KHDRBS2: variants seen among roughly 807,000 people sequenced by gnomAD.
KHDRBS2 encodes KH RNA binding domain containing, signal transduction associated 2, also known as KH domain-containing, RNA-binding, signal transduction-associated protein 2.
A neutral mutation model predicts 44.3 loss-of-function variants in KHDRBS2; 26 were observed. That is an observed-to-expected ratio of 0.59 (90% CI 0.43 to 0.81). KHDRBS2 has a LOEUF of 0.81. KHDRBS2 is among the 40% of genes least tolerant of loss of function. The pLI, the probability that KHDRBS2 is intolerant of heterozygous loss-of-function variation, is 0.00. For missense variants in KHDRBS2, 476 were observed against 433.1 expected (o/e 1.10, Z -0.88); for synonymous variants, 194 against 151.1 (o/e 1.28, Z -2.08).
intron 6 of KHDRBS2, among the ~76,000 whole-genome samples, chr6:61,887,162 C>T (rs1402538387): frequency 6.6e-6 from 1 of 151,736 alleles, no homozygotes; most frequent in African/African-American, 2.4e-5. Context: ...GCTTCAGTTT[C>T]TTTACCTACT....
At chr6:61,890,744 G>T (rs1801695136) in intron 6 of KHDRBS2, among the ~76,000 whole-genome samples, 1 of 152,124 alleles carries the variant, frequency 6.6e-6, no homozygotes, top group South Asian at 2.1e-4. Context: ...CACATACTAT[G>T]TCTCTGGCAA....
chr6:61,550,177 G>A, the KHDRBS2 span, among the ~76,000 whole-genome samples: 2 of 152,050 alleles, frequency 1.3e-5, no homozygotes, highest in African/African-American at 4.8e-5. Context: ...TCGATAGGTA[G>A]TTTTTCAATC....
In KHDRBS2 at chr6:61,723,114, A is replaced by T. The variant is rs573430656; in HGVS notation, c.893+9568T>A. ...GCAACTAGGGTCTGAAGCAGACCCA[A>T]GCAAACCACAGCAGGACTATAGACA... On this transcript the variant is annotated intron_variant, in intron 7 of 8. Coordinates refer to ENST00000281156, the MANE Select transcript of KHDRBS2 (RefSeq NM_152688.4). Among the ~76,000 whole-genome samples the T allele has an allele frequency of 1.2e-4, 18 of 152,206 alleles. No individual in the cohort carries two copies. The South Asian group carries it at 3.7e-3, about 32-fold the overall frequency.
At chr6:61,768,587 T>A (rs191749208) in intron 6 of KHDRBS2, among the ~76,000 whole-genome samples, 22 of 152,134 alleles carry the variant, frequency 1.4e-4, no homozygotes, top group Admixed American at 1.2e-3. Context: ...TATTTTAAAA[T>A]AGTCTGTCTT....
chr6:62,073,987 G>A (rs208968), intron 2 of KHDRBS2, among the ~76,000 whole-genome samples: 151,621 of 151,884 alleles, frequency 1, 75,679 homozygotes, highest in Middle Eastern at 1. Flanking sequence ...CTTTTTCTAC[G>A]GAAACATATC....
At chr6:61,708,807 A>G (rs1194287688) in intron 7 of KHDRBS2, among the ~76,000 whole-genome samples, 15 of 151,756 alleles carry the variant, frequency 9.9e-5, no homozygotes, top group South Asian at 2.1e-4. Context: ...TCTCCCACTC[A>G]CAGCCAACTT....
At chr6:62,158,189 T>A (rs780296635) in intron 2 of KHDRBS2, among the ~76,000 whole-genome samples, 2 of 152,210 alleles carry the variant, frequency 1.3e-5, no homozygotes, top group Non-Finnish European at 2.9e-5. Context: ...TCCAACTATC[T>A]GTTTTATTAC....
intron 8 of KHDRBS2, among the ~76,000 whole-genome samples, chr6:61,682,725 T>A (rs184487240): frequency 1.3e-5 from 2 of 151,990 alleles, no homozygotes. Flanking sequence ...AAAATGCAGA[T>A]GTTGGTCTTT....
rs144358237 is a variant in KHDRBS2, at chr6:62,253,980, G to A, written c.91+31878C>T. ...ATTAGCAGCATGGGGAATAACACAA[G>A]CAAGAATCCTAACTTTTAACAAAGA... On this transcript the variant is annotated intron_variant, in intron 1 of 8. Coordinates refer to ENST00000281156, the MANE Select transcript of KHDRBS2 (RefSeq NM_152688.4). Among the ~76,000 whole-genome samples the A allele has an allele frequency of 1.4e-4, 22 of 152,092 alleles. 1 individual carries two copies. In the East Asian group the frequency reaches 2.7e-3, roughly 19 times the overall value.
chr6:62,255,454 A>T (rs1837215397), intron 1 of KHDRBS2, among the ~76,000 whole-genome samples: 1 of 152,072 alleles, frequency 6.6e-6, no homozygotes, highest in Non-Finnish European at 1.5e-5. Flanking sequence ...TTATGGATGT[A>T]ACACTAAGAA....
At chr6:61,940,719 G>T (rs1017105762) in intron 4 of KHDRBS2, among the ~76,000 whole-genome samples, 1 of 152,170 alleles carries the variant, frequency 6.6e-6, no homozygotes, top group African/African-American at 2.4e-5. Context: ...TGCAATATAA[G>T]AGTGGCTTCT....
At chr6:62,084,741 T>C (rs1798089901) in intron 2 of KHDRBS2, among the ~76,000 whole-genome samples, 1 of 152,202 alleles carries the variant, frequency 6.6e-6, no homozygotes, top group Non-Finnish European at 1.5e-5. Context: ...AAGTATTATG[T>C]GGATTTATAA....
intron 7 of KHDRBS2, among the ~76,000 whole-genome samples, chr6:61,716,776 A>G (rs1481952462): frequency 3.3e-5 from 5 of 151,976 alleles, no homozygotes; most frequent in African/African-American, 1.2e-4. Flanking sequence ...GCTTCTCTTC[A>G]CCTACCAGTG....
chr6:62,044,245 A>T (rs1787179620), intron 3 of KHDRBS2, among the ~76,000 whole-genome samples: 1 of 151,958 alleles, frequency 6.6e-6, no homozygotes, highest in Non-Finnish European at 1.5e-5. Context: ...CAGGAGGATC[A>T]CTTGAGGATC....
At chr6:61,938,149 G>A (rs552173004) in intron 4 of KHDRBS2, among the ~76,000 whole-genome samples, 125 of 152,124 alleles carry the variant, frequency 8.2e-4, no homozygotes, top group African/African-American at 2.6e-3. Flanking sequence ...TCTCAATATC[G>A]CTCTTCAAGG....
chr6:62,199,316 C>T (rs1340964440), intron 1 of KHDRBS2, among the ~76,000 whole-genome samples: 1 of 152,164 alleles, frequency 6.6e-6, no homozygotes, highest in Non-Finnish European at 1.5e-5. Context: ...TTGCAGATGA[C>T]ATGATTGTAT....
intron 4 of KHDRBS2, among the ~76,000 whole-genome samples, chr6:61,949,642 T>G (rs2127382576): frequency 6.6e-6 from 1 of 152,246 alleles, no homozygotes; most frequent in South Asian, 2.1e-4. Flanking sequence ...AAATTTTATC[T>G]AAATCCATTA....
the KHDRBS2 span, among the ~76,000 whole-genome samples, chr6:61,560,464 C>G: frequency 1.3e-5 from 2 of 152,178 alleles, no homozygotes; most frequent in Non-Finnish European, 2.9e-5. Flanking sequence ...AGGCTATTTT[C>G]TATATCTTGT....
chr6:62,128,546 C>A (rs1353399201), intron 2 of KHDRBS2, among the ~76,000 whole-genome samples: 2 of 22,778 alleles, frequency 8.8e-5, no homozygotes, highest in Non-Finnish European at 2.1e-4. Context: ...TTTTAATGAT[C>A]TCTCTCTCTC....
Sources: allele counts gnomAD v4.1 joint callset (sites outside exome capture counted in the v4.1 genomes callset), GRCh38; gene constraint gnomAD v4.1.1; transcripts MANE v1.5; gene names NCBI Gene and HGNC (gene_info 2026-07-23, HGNC 2026-07-21).